The following BTBD9 variants were observed in gnomAD, a reference collection of about 807,000 sequenced individuals.
BTBD9 encodes the protein BTB/POZ domain-containing protein 9.
BTBD9 carries 49 observed loss-of-function variants against 64.3 expected under a neutral mutation model. That is an observed-to-expected ratio of 0.76 (90% CI 0.61 to 0.97). BTBD9 has a LOEUF of 0.97. BTBD9 is among the 50% of genes least tolerant of loss of function. The pLI, the probability that BTBD9 is intolerant of heterozygous loss-of-function variation, is 0.00. For missense variants in BTBD9, 598 were observed against 762.1 expected (o/e 0.78, Z 2.53); for synonymous variants, 260 against 274.7 (o/e 0.95, Z 0.53).
At chr6:38,213,558 T>C (rs191538609) in intron 9 of BTBD9, among the ~76,000 whole-genome samples, 1 of 152,258 alleles carries the variant, frequency 6.6e-6, no homozygotes, top group East Asian at 1.9e-4. Context: ...GCATTAACTG[T>C]CACATTCAAC....
intron 6 of BTBD9, among the ~76,000 whole-genome samples, chr6:38,489,163 T>C (rs1225466054): frequency 5.3e-5 from 8 of 152,168 alleles, no homozygotes; most frequent in African/African-American, 1.9e-4. Flanking sequence ...CCTGAAGTGA[T>C]GGGATTATAG....
At chr6:38,208,559 C>T (rs1309592064) in intron 9 of BTBD9, among the ~76,000 whole-genome samples, 1 of 152,112 alleles carries the variant, frequency 6.6e-6, no homozygotes, top group Admixed American at 6.5e-5. Context: ...AGAGGGTGTC[C>T]TATGTGGCAG....
intron 7 of BTBD9, among the ~76,000 whole-genome samples, chr6:38,328,494 C>A (rs1045751922): frequency 6.6e-6 from 1 of 151,016 alleles, no homozygotes; most frequent in Non-Finnish European, 1.5e-5. Context: ...CCTGGCAATA[C>A]CTTGATCTTG....
intron 7 of BTBD9, among the ~76,000 whole-genome samples, chr6:38,335,627 A>G (rs547381647): frequency 9.7e-4 from 146 of 151,118 alleles, no homozygotes; most frequent in African/African-American, 3.5e-3. Flanking sequence ...GTGCAGCAGC[A>G]TGATCTCGAC....
At chr6:38,272,633 T>A (rs1765233813) in intron 8 of BTBD9, among the ~76,000 whole-genome samples, 1 of 152,084 alleles carries the variant, frequency 6.6e-6, no homozygotes, top group Non-Finnish European at 1.5e-5. Flanking sequence ...CTCACTACAG[T>A]GAACACAACC....
chr6:38,419,499 T>G (rs1171708316), intron 6 of BTBD9, among the ~76,000 whole-genome samples: 1 of 152,206 alleles, frequency 6.6e-6, no homozygotes, highest in African/African-American at 2.4e-5. Flanking sequence ...TACATTGTGA[T>G]TAAAAGAATC....
intron 6 of BTBD9, among the ~76,000 whole-genome samples, chr6:38,475,095 G>A (rs1770819980): frequency 6.6e-6 from 1 of 152,046 alleles, no homozygotes; most frequent in African/African-American, 2.4e-5. Context: ...GTAAAACAAT[G>A]TTAAATGAAA....
At chr6:38,294,016 T>C (rs1762066719) in intron 7 of BTBD9, among the ~76,000 whole-genome samples, 1 of 152,050 alleles carries the variant, frequency 6.6e-6, no homozygotes, top group Admixed American at 6.5e-5. Context: ...GCAAAGGATA[T>C]GAACAGACAC....
At chr6:38,198,608 A>C (rs1762348763) in intron 9 of BTBD9, among the ~76,000 whole-genome samples, 1 of 152,212 alleles carries the variant, frequency 6.6e-6, no homozygotes, top group Non-Finnish European at 1.5e-5. Context: ...TCTACTGCAC[A>C]TACTATAAAG....
At chr6:38,219,129 C>CTTTT (rs5875622) in intron 9 of BTBD9, among the ~76,000 whole-genome samples, 212 of 70,774 alleles carry the variant, frequency 3.0e-3, no homozygotes, top group African/African-American at 6.7e-3. Flanking sequence ...ACTTTCTTTT[C>CTTTT]TTTTTTTTTT....
At chr6:38,514,126 G>A (rs1304190854) in intron 6 of BTBD9, among the ~76,000 whole-genome samples, 1 of 152,210 alleles carries the variant, frequency 6.6e-6, no homozygotes, top group African/African-American at 2.4e-5. Context: ...GGTGCAGTAA[G>A]AATGCCAATT....
At chr6:38,590,427 C>A (rs550299246) in intron 4 of BTBD9, among the ~76,000 whole-genome samples, 13 of 152,162 alleles carry the variant, frequency 8.5e-5, no homozygotes, top group African/African-American at 1.2e-4. Context: ...GATTTGAAGT[C>A]AAATTTGTCT....
chr6:38,339,411 G>C (rs572845653), intron 7 of BTBD9, among the ~76,000 whole-genome samples: 199 of 152,122 alleles, frequency 1.3e-3, no homozygotes, highest in African/African-American at 4.6e-3. Context: ...TACTCAAGAG[G>C]ATGCCTAGAG....
intron 7 of BTBD9, among the ~76,000 whole-genome samples, chr6:38,324,848 A>C (rs1195359044): frequency 6.6e-6 from 1 of 152,202 alleles, no homozygotes; most frequent in East Asian, 1.9e-4. Context: ...AGATAGACAC[A>C]AGGAAATTCA....
At chr6:38,345,378 C>A (rs1279830128) in intron 6 of BTBD9, among the ~76,000 whole-genome samples, 1 of 152,186 alleles carries the variant, frequency 6.6e-6, no homozygotes, top group Non-Finnish European at 1.5e-5. Context: ...CAGTTCAACC[C>A]TTGAATGTCA....
At chr6:38,318,652 C>A (rs1763116279) in intron 7 of BTBD9, among the ~76,000 whole-genome samples, 3 of 151,686 alleles carry the variant, frequency 2.0e-5, no homozygotes, top group Admixed American at 2.0e-4. Context: ...CTGCTTCATG[C>A]TGGGGGAAGA....
chr6:38,313,015 T>C (rs1027204310), intron 7 of BTBD9, among the ~76,000 whole-genome samples: 2 of 152,244 alleles, frequency 1.3e-5, no homozygotes, highest in Non-Finnish European at 2.9e-5. Context: ...ATTTTAACAA[T>C]ATTGATTCTT....
At chr6:38,562,742 AT>A (rs1775313365) in intron 6 of BTBD9, among the ~76,000 whole-genome samples, 1 of 152,222 alleles carries the variant, frequency 6.6e-6, no homozygotes, top group Admixed American at 6.5e-5. Flanking sequence ...ATTGATGGGC[AT>A]TTTGGTAGTT....
rs1766677132 is a variant in BTBD9, at chr6:38,169,775, C to T, written c.*5210G>A. 1 of 151,850 alleles carries T rather than the reference C, an allele frequency of 6.6e-6. No individual in the cohort carries two copies. Among genetic ancestry groups the T allele is most frequent in the Non-Finnish European group, 1.5e-5 (1 of 67,954 alleles). The allele number at this position is 151,850 out of a possible 1,614,324, so 9.4% of individuals were successfully genotyped here. On this transcript the variant is annotated 3_prime_UTR_variant, in exon 11 of 11. Coordinates refer to ENST00000481247, the MANE Select transcript of BTBD9 (RefSeq NM_001099272.2). ...TCCTCCACCCCCCCTCCCCCCCGCCCATTCAGGGCTATAAATACTCACGGA... is the reference window on the plus strand; with the variant it reads ...TCCTCCACCCCCCCTCCCCCCCGCCTATTCAGGGCTATAAATACTCACGGA...
Sources: gnomAD v4.1 joint callset for allele counts (sites outside exome capture counted in the v4.1 genomes callset) on GRCh38, gnomAD v4.1.1 for gene constraint, MANE v1.5 for transcripts, NCBI Gene and HGNC (gene_info 2026-07-23, HGNC 2026-07-21) for gene names.